Variants in STK3 observed in about 807,000 individuals in gnomAD.
STK3 encodes serine/threonine-protein kinase 3.
STK3 carries 41 observed loss-of-function variants against 58.0 expected under a neutral mutation model. The ratio of observed to expected loss-of-function variants is 0.71; its 90% confidence interval spans 0.55 to 0.92. The LOEUF is 0.92. STK3 is among the 40% of genes least tolerant of loss of function. The probability of loss-of-function intolerance (pLI) is 0.00; values close to 1 mark genes in which losing one functional copy is unlikely to be tolerated. For missense variants in STK3, 479 were observed against 602.7 expected (o/e 0.79, Z 2.15); for synonymous variants, 170 against 191.0 (o/e 0.89, Z 0.91).
At chr8:98,871,517 A>G (rs1405484742) in intron 3 of STK3, among the ~76,000 whole-genome samples, 1 of 151,986 alleles carries the variant, frequency 6.6e-6, no homozygotes. Context: ...CTTTTATTTC[A>G]TTGAGCAGTG....
At position 98,687,861 on chromosome 8, in the gene STK3, A is replaced by G. The variant is rs118055433; in HGVS notation, c.684+18606T>C. 1.3e-3 allele frequency among the ~76,000 whole-genome samples: 203 copies of G among 152,340 alleles called. 11 individuals carry two copies. In the East Asian group the frequency reaches 0.034, roughly 25 times the overall value. On this transcript the variant is annotated intron_variant, in intron 6 of 10. Coordinates refer to ENST00000419617, the MANE Select transcript of STK3 (RefSeq NM_006281.4). ...CATAACCCACAGACTCTATAAAGCAACTATACAATCGAGACTACAAAGCAA... is the reference window on the plus strand; with the variant it reads ...CATAACCCACAGACTCTATAAAGCAGCTATACAATCGAGACTACAAAGCAA...
intron 8 of STK3, among the ~76,000 whole-genome samples, chr8:98,551,373 C>A (rs972123716): frequency 6.6e-6 from 1 of 152,110 alleles, no homozygotes; most frequent in African/African-American, 2.4e-5. Flanking sequence ...ACCTCTGAAT[C>A]CACTAAAGTG....
intron 6 of STK3, among the ~76,000 whole-genome samples, chr8:98,656,660 T>C (rs1446247915): frequency 6.6e-6 from 1 of 152,150 alleles, no homozygotes; most frequent in African/African-American, 2.4e-5. Context: ...TTAAAGGCTA[T>C]TAATTAGTGC....
chr8:98,937,757 G>GC (rs1388687955), intron 1 of STK3, among the ~76,000 whole-genome samples: 1 of 152,210 alleles, frequency 6.6e-6, no homozygotes, highest in African/African-American at 2.4e-5. Context: ...TAGTGTATTA[G>GC]CCCTCCAGGG....
intron 3 of STK3, among the ~76,000 whole-genome samples, chr8:98,859,359 A>T (rs1295291578): frequency 3.3e-5 from 5 of 152,238 alleles, no homozygotes; most frequent in Non-Finnish European, 5.9e-5. Flanking sequence ...CAAAATGACA[A>T]GGATAAACTA....
chr8:98,630,692 A>G (rs1207592194), intron 6 of STK3, among the ~76,000 whole-genome samples: 1 of 141,846 alleles, frequency 7.0e-6, no homozygotes, highest in Admixed American at 6.9e-5. Context: ...GAGAAGGAGA[A>G]GAAGGAGGAG....
chr8:98,843,403 G>A (rs1304820099), intron 3 of STK3, among the ~76,000 whole-genome samples: 1 of 152,134 alleles, frequency 6.6e-6, no homozygotes, highest in African/African-American at 2.4e-5. Flanking sequence ...AAAGACATTG[G>A]AGTTTTTGTT....
intron 7 of STK3, among the ~76,000 whole-genome samples, chr8:98,584,106 T>C (rs1225969571): frequency 6.6e-6 from 1 of 152,078 alleles, no homozygotes; most frequent in Non-Finnish European, 1.5e-5. Context: ...TTTTTTTCTT[T>C]TATTATTATA....
rs188310446 is a variant in STK3, at chr8:98,650,636, T to G, written c.685-54467A>C. ...CTGGAAAAGCGGGTCACTCCCACCC[T>G]AATACTGTGCTTTTCCGACGGGCTT... On this transcript the variant is annotated intron_variant, in intron 6 of 10. Transcript: ENST00000419617. Among the ~76,000 whole-genome samples the G allele has an allele frequency of 1.9e-3, 284 of 152,340 alleles. 3 individuals are homozygous for G. The highest frequency in any genetic ancestry group is 0.016 in the Admixed American group (252 of 15,302).
intron 5 of STK3, 133 bp downstream of exon 5, chr8:98,707,014 T>C: frequency 2.1e-6 from 2 of 947,368 alleles, no homozygotes; most frequent in South Asian, 2.1e-5. Flanking sequence ...GGCTCAATTA[T>C]GGTTCCTTCT....
intron 6 of STK3, among the ~76,000 whole-genome samples, chr8:98,658,063 T>C (rs1295956049): frequency 6.6e-6 from 1 of 152,088 alleles, no homozygotes. Flanking sequence ...CATCACTGTA[T>C]ACCTTAAACA....
At chr8:98,582,806 T>A (rs1814036067) in intron 7 of STK3, among the ~76,000 whole-genome samples, 1 of 152,172 alleles carries the variant, frequency 6.6e-6, no homozygotes, top group South Asian at 2.1e-4. Flanking sequence ...GATTTTTCTA[T>A]TAAATCAATC....
At chr8:98,735,534 C>T (rs560235421) in intron 4 of STK3, among the ~76,000 whole-genome samples, 1 of 152,172 alleles carries the variant, frequency 6.6e-6, no homozygotes, top group African/African-American at 2.4e-5. Flanking sequence ...TATAGAGCCC[C>T]AAATACTTAA....
chr8:98,607,365 C>T (rs1816858167), intron 6 of STK3, among the ~76,000 whole-genome samples: 1 of 152,106 alleles, frequency 6.6e-6, no homozygotes, highest in Non-Finnish European at 1.5e-5. Context: ...ACTACAGGTA[C>T]AAAAGCAATG....
At chr8:98,634,292 G>C (rs911537182) in intron 6 of STK3, among the ~76,000 whole-genome samples, 1 of 152,134 alleles carries the variant, frequency 6.6e-6, no homozygotes, top group Admixed American at 6.5e-5. Context: ...TTTGAGAACA[G>C]CCTGGGCAAC....
At chr8:98,873,502 G>C (rs949655838) in intron 3 of STK3, among the ~76,000 whole-genome samples, 18 of 152,198 alleles carry the variant, frequency 1.2e-4, no homozygotes, top group Non-Finnish European at 1.5e-5. Context: ...CTAAGGACTT[G>C]CTTTATGAAT....
chr8:98,596,195 A>T, intron 6 of STK3, 26 bp from the exon 7 acceptor site: 1 of 1,603,634 alleles, frequency 6.2e-7, no homozygotes, highest in South Asian at 1.1e-5. Flanking sequence ...TATCCAAAAG[A>T]CAGTAAGAAT....
chr8:98,667,161 T>A (rs1212063536), intron 6 of STK3, among the ~76,000 whole-genome samples: 1 of 152,178 alleles, frequency 6.6e-6, no homozygotes, highest in East Asian at 1.9e-4. Context: ...TCAGGAATTT[T>A]CATGCAAAAC....
At chr8:98,810,108 G>T (rs148649160) in intron 1 of STK3, among the ~76,000 whole-genome samples, 1 of 152,104 alleles carries the variant, frequency 6.6e-6, no homozygotes, top group Non-Finnish European at 1.5e-5. Context: ...ACCAGATCTC[G>T]TGAGAACCCT....
Sources: allele counts gnomAD v4.1 joint callset (sites outside exome capture counted in the v4.1 genomes callset), GRCh38; gene constraint gnomAD v4.1.1; transcripts MANE v1.5; gene names NCBI Gene and HGNC (gene_info 2026-07-23, HGNC 2026-07-21).